The following GLI2 variants were observed in gnomAD, a reference collection of about 807,000 sequenced individuals.
The protein encoded by GLI2 is GLI family zinc finger 2.
Under a neutral mutation model 78.9 loss-of-function variants are expected in GLI2, and 22 were observed. The ratio of observed to expected loss-of-function variants is 0.28; its 90% CI spans 0.20 to 0.40. The LOEUF (loss-of-function observed/expected upper bound fraction) is 0.40. Ranked by LOEUF, GLI2 falls within the 10% of genes least tolerant of loss-of-function variation. The pLI is 1.00. For synonymous variants in GLI2, 974 were observed against 963.7 expected (o/e 1.01, Z -0.20); for missense variants, 2,097 against 2,213.2 (o/e 0.95, Z 1.05).
chr2:120,953,485 T>A (rs1294678878), intron 4 of GLI2, among the ~76,000 whole-genome samples: 1 of 152,208 alleles, frequency 6.6e-6, no homozygotes, highest in Non-Finnish European at 1.5e-5. Flanking sequence ...AACACAAAGT[T>A]TATGCTGATC....
At chr2:120,945,041 AG>A (rs1680640012) in intron 3 of GLI2, among the ~76,000 whole-genome samples, 1 of 152,134 alleles carries the variant, frequency 6.6e-6, no homozygotes, top group African/African-American at 2.4e-5. Context: ...ATCCCATCCA[AG>A]GGCTTTGCCA....
Position 120,908,380 on chromosome 2 carries a change from G to C in GLI2, c.149-18981G>C, listed in dbSNP as rs535716072. The stretch of plus-strand genomic sequence containing the variant: ...TGGCATCCTCGCCTCCCCTCTGGTG[G>C]GCAGCTGCATGGGGACCCCTTTCCC... On this transcript the variant is annotated intron_variant, in intron 2 of 13. Transcript: ENST00000361492. 3.3e-5 allele frequency among the ~76,000 whole-genome samples: 5 copies of C among 152,300 alleles called. No individual in the cohort carries two copies. In the South Asian group the frequency reaches 1.0e-3, roughly 32 times the overall value.
chr2:120,892,156 G>A (rs1677715012), intron 2 of GLI2, among the ~76,000 whole-genome samples: 2 of 152,330 alleles, frequency 1.3e-5, no homozygotes, highest in South Asian at 4.2e-4. Flanking sequence ...AGCCAGGGAA[G>A]GGAAGATTTG....
intron 4 of GLI2, among the ~76,000 whole-genome samples, chr2:120,952,542 C>T (rs540767726): frequency 4.7e-4 from 72 of 152,358 alleles, no homozygotes; most frequent in African/African-American, 1.5e-3. Flanking sequence ...CTCCCTGAAT[C>T]GTTGACTCAT....
At chr2:120,894,276 T>C (rs1280237336) in intron 2 of GLI2, among the ~76,000 whole-genome samples, 1 of 152,236 alleles carries the variant, frequency 6.6e-6, no homozygotes, top group African/African-American at 2.4e-5. Flanking sequence ...ATTTTTTAAA[T>C]GTGTTTTTGT....
chr2:120,802,915 C>T (rs1025027881), intron 2 of GLI2, among the ~76,000 whole-genome samples: 1 of 152,240 alleles, frequency 6.6e-6, no homozygotes, highest in African/African-American at 2.4e-5. Context: ...TCTTGAGCCC[C>T]ACCTTAGACC....
At chr2:120,805,030 C>T (rs752121378) in intron 2 of GLI2, among the ~76,000 whole-genome samples, 32 of 152,310 alleles carry the variant, frequency 2.1e-4, no homozygotes, top group Middle Eastern at 3.4e-3. Flanking sequence ...TGGAACTAAG[C>T]GAGACAAGGT....
chr2:120,803,576 C>T (rs1684800029), intron 2 of GLI2, among the ~76,000 whole-genome samples: 1 of 152,218 alleles, frequency 6.6e-6, no homozygotes, highest in Non-Finnish European at 1.5e-5. Context: ...GGTGGGTGCC[C>T]TGGGCTGGAA....
chr2:120,861,700 C>T (rs1450256189), intron 2 of GLI2, among the ~76,000 whole-genome samples: 1 of 152,198 alleles, frequency 6.6e-6, no homozygotes, highest in East Asian at 1.9e-4. Context: ...GCCTGCTGAG[C>T]TGAGCCCTTT....
Position 120,971,832 on chromosome 2 carries a change from T to A in GLI2, c.1060-109T>A, listed in dbSNP as rs796068674. 34 of 938,672 alleles carry A rather than the reference T, an allele frequency of 3.6e-5. No homozygotes were observed. The African/African-American group carries it at 4.9e-4, about 14-fold the overall frequency. The allele number at this position is 938,672 out of a possible 1,614,324, so 58.1% of individuals were successfully genotyped here. On this transcript the variant is annotated intron_variant, in intron 7 of 13. Coordinates refer to ENST00000361492, the MANE Select transcript of GLI2 (RefSeq NM_001374353.1). ...TATTTCTGATACTTTAAACACAGGG[T>A]TAGCCCAGATGGTCTGTGCGGAGAG...
Position 120,879,904 on chromosome 2 carries a change from C to A in GLI2, c.149-47457C>A, listed in dbSNP as rs573776048. 2.0e-5 allele frequency among the ~76,000 whole-genome samples: 3 copies of A among 152,328 alleles called. No homozygotes were observed. The East Asian group carries it at 5.8e-4, about 29-fold the overall frequency. ...TCTCCAGCCTCTAGCTGAGCCTCCACGGCCAGCCATATTTCAGCATTTAGG... is the reference window on the plus strand; with the variant it reads ...TCTCCAGCCTCTAGCTGAGCCTCCAAGGCCAGCCATATTTCAGCATTTAGG... On this transcript the variant is annotated intron_variant, in intron 2 of 13. Coordinates refer to ENST00000361492, the MANE Select transcript of GLI2 (RefSeq NM_001374353.1).
chr2:120,749,377 TA>T (rs1013103902), intron 1 of GLI2, among the ~76,000 whole-genome samples: 10 of 151,146 alleles, frequency 6.6e-5, no homozygotes, highest in East Asian at 1.9e-4. Context: ...AGCTGTATTT[TA>T]AAAAAAAAAT....
intron 2 of GLI2, among the ~76,000 whole-genome samples, chr2:120,881,585 A>T (rs1677130680): frequency 2.0e-5 from 1 of 50,290 alleles, no homozygotes; most frequent in Admixed American, 2.5e-4. Flanking sequence ...GAGGGCAGGT[A>T]GTGGGAGGAT....
intron 2 of GLI2, among the ~76,000 whole-genome samples, chr2:120,920,423 C>T (rs1679312576): frequency 6.6e-6 from 1 of 152,216 alleles, no homozygotes; most frequent in Non-Finnish European, 1.5e-5. Flanking sequence ...CCTTCTCTCC[C>T]CCAGGAATCC....
intron 2 of GLI2, among the ~76,000 whole-genome samples, chr2:120,918,786 T>C (rs982985897): frequency 1.3e-5 from 2 of 152,170 alleles, no homozygotes; most frequent in African/African-American, 4.8e-5. Flanking sequence ...TCATTCCTAT[T>C]TTACAGATGA....
chr2:120,981,316 T>G (rs1682709854), intron 10 of GLI2, among the ~76,000 whole-genome samples: 1 of 152,218 alleles, frequency 6.6e-6, no homozygotes, highest in Non-Finnish European at 1.5e-5. Context: ...TTGTCAAAAA[T>G]CAATTGACCT....
intron 2 of GLI2, among the ~76,000 whole-genome samples, chr2:120,902,166 C>T (rs1185547214): frequency 6.6e-6 from 1 of 151,494 alleles, no homozygotes; most frequent in Non-Finnish European, 1.5e-5. Context: ...TTGGCACATG[C>T]TACAAGCCAT....
rs561837830 is a variant in GLI2, at chr2:120,914,165, C to T, written c.149-13196C>T. ...TCTTGCCGGGGACCAGTCAGCATTGCAATAGCTAGCCGACAAGGTCCCTGC... is the reference window on the plus strand; with the variant it reads ...TCTTGCCGGGGACCAGTCAGCATTGTAATAGCTAGCCGACAAGGTCCCTGC... On this transcript the variant is annotated intron_variant, in intron 2 of 13. Transcript: ENST00000361492. Among the ~76,000 whole-genome samples the T allele has an allele frequency of 1.2e-4, 18 of 152,376 alleles. 1 individual carries two copies. In the South Asian group the frequency reaches 3.7e-3, roughly 32 times the overall value.
intron 1 of GLI2, among the ~76,000 whole-genome samples, chr2:120,749,581 T>C (rs909263312): frequency 6.6e-6 from 1 of 152,322 alleles, no homozygotes; most frequent in Admixed American, 6.5e-5. Flanking sequence ...GGCAGGCCAT[T>C]GTGCCTCTCT....
Sources: allele counts gnomAD v4.1 joint callset (sites outside exome capture counted in the v4.1 genomes callset), GRCh38; gene constraint gnomAD v4.1.1; transcripts MANE v1.5; gene names NCBI Gene and HGNC (gene_info 2026-07-23, HGNC 2026-07-21).